ADPRHL1: variants seen among roughly 807,000 people sequenced by gnomAD.
ADPRHL1 encodes the protein inactive ADP-ribosyltransferase ARH2.
Under a neutral mutation model 44.1 loss-of-function variants are expected in ADPRHL1, and 43 were observed. That is an observed-to-expected ratio of 0.98 (90% confidence interval 0.76 to 1.26). ADPRHL1 has a LOEUF of 1.26. ADPRHL1 is among the 50% of genes most tolerant of loss of function. The pLI, the probability that ADPRHL1 is intolerant of heterozygous loss-of-function variation, is 0.00. For synonymous variants in ADPRHL1, 878 were observed against 1,017.4 expected (o/e 0.86, Z 2.61); for missense variants, 2,022 against 2,496.9 (o/e 0.81, Z 4.05).
chr13:113,425,079 GT>G lies in ADPRHL1; in HGVS notation c.746del (p.Asp249AlafsTer30). 1 of 1,613,570 alleles carries G rather than the reference GT, an allele frequency of 6.2e-7. No homozygotes were observed. The highest frequency in any genetic ancestry group is 8.5e-7 in the Non-Finnish European group (1 of 1,179,920). On this transcript the variant is annotated frameshift_variant, in exon 5 of 8. Coordinates refer to ENST00000612156, the MANE Select transcript of ADPRHL1 (RefSeq NM_001394807.1). LOFTEE classifies it high-confidence loss of function. ...TTTCCCTCTCTTCTGCATCATAATT[GT>G]CGGGGAAGATGGCTTTATTTTCTGA... ...KDSENKAIFP[D>X]NYDAEEREKT...
rs553677287 is a variant in ADPRHL1 at position 113,411,600 on chromosome 13, G to A, written c.1062-3380C>T. Reference sequence around the variant, plus strand: ...TCACAGCCGGCTTTCACCCCGCAGCGTGATCATCTGAGACACGTTTTCACT... The same window carrying A: ...TCACAGCCGGCTTTCACCCCGCAGCATGATCATCTGAGACACGTTTTCACT... On this transcript the variant is annotated intron_variant, in intron 7 of 7. Coordinates refer to ENST00000612156, the MANE Select transcript of ADPRHL1 (RefSeq NM_001394807.1). 5.3e-5 allele frequency among the ~76,000 whole-genome samples: 8 copies of A among 152,340 alleles called. No individual in the cohort carries two copies. In the East Asian group the frequency reaches 9.7e-4, roughly 18 times the overall value.
chr13:113,426,824 C>T (rs999297540), intron 4 of ADPRHL1, among the ~76,000 whole-genome samples: 1 of 152,150 alleles, frequency 6.6e-6, no homozygotes, highest in African/African-American at 2.4e-5. Context: ...CCGGGGTTGG[C>T]CAATTCGGAA....
chr13:113,425,093 CT>C lies in ADPRHL1; in HGVS notation c.732del (p.Ala245ProfsTer34), dbSNP rs530445616. The stretch of plus-strand genomic sequence containing the variant: ...GCATCATAATTGTCGGGGAAGATGG[CT>C]TTATTTTCTGAGTCTTTACTGATTT... ...ERKISKDSEN[K>X]AIFPDNYDAE... On this transcript the variant is annotated frameshift_variant, in exon 5 of 8. Transcript: ENST00000612156. LOFTEE classifies it high-confidence loss of function. 303 of 1,613,640 alleles carry C rather than the reference CT, an allele frequency of 1.9e-4. 1 individual carries two copies. The East Asian group carries it at 5.2e-3, about 28-fold the overall frequency.
At position 113,405,602 on chromosome 13, in the gene ADPRHL1, A is replaced by C; in HGVS notation, c.3680T>G (p.Leu1227Ter). The C allele has an allele frequency of 4.9e-6, 6 of 1,232,630 alleles. No individual in the cohort carries two copies. Among genetic ancestry groups the C allele is most frequent in the Non-Finnish European group, 6.1e-6 (6 of 988,676 alleles). 76.4% of individuals were successfully genotyped at this position (1,232,630 alleles called of 1,614,324 possible). ...GGCTGCTGATGTGTTTGAAATGTAT[A>C]ATCGGGCCGCCTCTGGGTGCCGGGC... ...ALARHPEAARLYISNTSAASR... is the reference protein window; with the variant it reads ...ALARHPEAAR The change falls in exon 8 of 8, where the codon TTA (leucine) becomes TGA (stop). Residue 1227 changes from leucine to a stop codon, truncating the protein, a stop_gained. Transcript: ENST00000612156. LOFTEE classifies it low-confidence loss of function (END_TRUNC).
Position 113,407,114 on chromosome 13 carries a change from G to A in ADPRHL1, c.2168C>T (p.Ala723Val), listed in dbSNP as rs1179654386. ...TGGVLPGLVP[A>V]SSPLGPASPW... is the part of the protein sequence containing the mutation. ...GCTGGCCGGTCCCAGTGGGGATGATGCAGGCACAAGGCCAGGAAGGACTCC... is the reference window on the plus strand; with the variant it reads ...GCTGGCCGGTCCCAGTGGGGATGATACAGGCACAAGGCCAGGAAGGACTCC... The change falls in exon 8 of 8, where the codon GCA (alanine) becomes GTA (valine). Residue 723 changes from alanine to valine, a missense_variant. By Grantham distance (64) the Ala-to-Val change is moderately conservative. Around this residue, in one of 8 missense-constraint regions of ADPRHL1, gnomAD observed 1,221 missense variants for 1,517.8 expected, o/e 0.80. Coordinates refer to ENST00000612156, the MANE Select transcript of ADPRHL1 (RefSeq NM_001394807.1). The A allele has an allele frequency of 4.1e-6, 5 of 1,232,190 alleles. No individual in the cohort carries two copies. Among genetic ancestry groups the A allele is most frequent in the Non-Finnish European group, 5.1e-6 (5 of 988,094 alleles). The allele number at this position is 1,232,190 out of a possible 1,614,324, so 76.3% of individuals were successfully genotyped here.
rs758465084 is a variant in ADPRHL1 at position 113,433,814 on chromosome 13, T to C, written c.433A>G (p.Lys145Glu). The part of the protein sequence containing the change: ...KAMCIGLRYW[K>E]PERLETLIEV... ...ATGAGGGTCTCCAGCCGCTCAGGCT[T>C]CCAGTACCGCAGGCCGATGCACATG... The change falls in exon 3 of 8, where the codon AAG (lysine) becomes GAG (glutamate). Residue 145 changes from lysine to glutamate, a missense_variant. Coordinates refer to ENST00000612156, the MANE Select transcript of ADPRHL1 (RefSeq NM_001394807.1). 1 of 1,583,052 alleles carries C rather than the reference T, an allele frequency of 6.3e-7. No homozygotes were observed.
rs1429163418 is a variant in ADPRHL1, at chr13:113,405,501, A to T, written c.3781T>A (p.Ser1261Thr). 18 of 1,231,642 alleles carry T rather than the reference A, an allele frequency of 1.5e-5. No homozygotes were observed. The highest frequency in any genetic ancestry group is 1.7e-5 in the Non-Finnish European group (17 of 988,104). 76.3% of individuals were successfully genotyped at this position (1,231,642 alleles called of 1,614,324 possible). The change falls in exon 8 of 8, where the codon TCT becomes ACT. Residue 1261 changes from serine to threonine, a missense_variant. Transcript: ENST00000612156. ...EGNLLGFSTE[S>T]GIPASDHPRP... is the part of the protein sequence containing the mutation. Reference sequence around the variant, plus strand: ...GGATGATCAGAAGCAGGAATTCCAGACTCTGTGCTGAAACCCAAAAGGTTT... The same window carrying T: ...GGATGATCAGAAGCAGGAATTCCAGTCTCTGTGCTGAAACCCAAAAGGTTT...
chr13:113,410,217 C>T lies in ADPRHL1; in HGVS notation c.1062-1997G>A, dbSNP rs75522613. Reference sequence around the variant, plus strand: ...CCCCACCTTCCCGAGACGCCTCCCTCGCCCGGTTCAGTGAGTTCACGTGGA... The same window carrying T: ...CCCCACCTTCCCGAGACGCCTCCCTTGCCCGGTTCAGTGAGTTCACGTGGA... On this transcript the variant is annotated intron_variant, in intron 7 of 7. Coordinates refer to ENST00000612156, the MANE Select transcript of ADPRHL1 (RefSeq NM_001394807.1). 4,546 of 796,344 alleles carry T rather than the reference C, an allele frequency of 5.7e-3. 172 individuals carry two copies. In the African/African-American group the frequency reaches 0.077, roughly 13 times the overall value. 49.3% of individuals were successfully genotyped at this position (796,344 alleles called of 1,614,324 possible). A position where few individuals can be genotyped will look rare whatever the true frequency, so the allele number is the denominator to read the frequency against.
At position 113,444,512 on chromosome 13, in the gene ADPRHL1, G is replaced by T. The variant is rs151314929; in HGVS notation, c.292C>A (p.Arg98=). ...VEIVEKLPER[R]PDPATIEGCA... Reference sequence around the variant, plus strand: ...CCTTCAATGGTAGCTGGGTCTGGCCGGCGTTCTGGAAGCTTCTCAACGATT... The same window carrying T: ...CCTTCAATGGTAGCTGGGTCTGGCCTGCGTTCTGGAAGCTTCTCAACGATT... Residue 98 remains arginine (R), a synonymous_variant, in exon 2 of 8, where the codon CGG becomes AGG. Coordinates refer to ENST00000612156, the MANE Select transcript of ADPRHL1 (RefSeq NM_001394807.1). 2 of 1,614,168 alleles carry T rather than the reference G, an allele frequency of 1.2e-6. No homozygotes were observed. Among genetic ancestry groups the T allele is most frequent in the Non-Finnish European group, 1.7e-6 (2 of 1,180,024 alleles).
chr13:113,412,655 T>C (rs1413422265), intron 7 of ADPRHL1, among the ~76,000 whole-genome samples: 7 of 152,140 alleles, frequency 4.6e-5, no homozygotes. Flanking sequence ...AGAAGACCCG[T>C]GGGTGGCGAA....
In ADPRHL1 at chr13:113,441,576, AT is replaced by A. The variant is rs2044098809; in HGVS notation, c.379+2848del. The stretch of plus-strand genomic sequence containing the variant: ...TATTGTTGTTGTACATTCTACTTAT[AT>A]TTTATAAACCATACCGTTCATTATT... On this transcript the variant is annotated intron_variant, in intron 2 of 7. Coordinates refer to ENST00000612156, the MANE Select transcript of ADPRHL1 (RefSeq NM_001394807.1). The surrounding 1 kb of genome is among the most constrained non-coding windows in gnomAD (Gnocchi z 6.0). Among the ~76,000 whole-genome samples the A allele has an allele frequency of 6.6e-6, 1 of 152,144 alleles. No homozygotes were observed. The highest frequency in any genetic ancestry group is 2.1e-4 in the South Asian group (1 of 4,826).
intron 7 of ADPRHL1, among the ~76,000 whole-genome samples, chr13:113,416,083 T>C (rs1044179804): frequency 8.6e-5 from 13 of 151,508 alleles, no homozygotes; most frequent in Non-Finnish European, 1.9e-4. Context: ...CCCCAGCAGC[T>C]TCTGAGCATC....
Position 113,402,682 on chromosome 13 carries a change from T to G in ADPRHL1, c.*696A>C, listed in dbSNP as rs76222199. 3,451 of 152,352 alleles carry G rather than the reference T, an allele frequency of 0.023. 64 individuals carry two copies. The highest frequency in any genetic ancestry group is 0.034 in the Non-Finnish European group (2,335 of 68,086). 9.4% of individuals were successfully genotyped at this position (152,352 alleles called of 1,614,324 possible). A position where few individuals can be genotyped will look rare whatever the true frequency, so the allele number is the denominator to read the frequency against. On this transcript the variant is annotated 3_prime_UTR_variant, in exon 8 of 8. Transcript: ENST00000612156. ...CTTCCCACGGCTCTGCACTGTCCCTTTCTCAGAACTTAACGTGGGCATTTC... is the reference window on the plus strand; with the variant it reads ...CTTCCCACGGCTCTGCACTGTCCCTGTCTCAGAACTTAACGTGGGCATTTC...
Position 113,409,204 on chromosome 13 carries a change from C to A in ADPRHL1, c.1062-984G>T. 1 of 732,164 alleles carries A rather than the reference C, an allele frequency of 1.4e-6. No individual in the cohort carries two copies. Among genetic ancestry groups the A allele is most frequent in the South Asian group, 6.0e-5 (1 of 16,538 alleles). 45.4% of individuals were successfully genotyped at this position (732,164 alleles called of 1,614,324 possible). Reference sequence around the variant, plus strand: ...TTGTGATTTGATGGTGTTTTCTGAGCCTGGGTCCGGGGTAAGTTCTGCTCC... The same window carrying A: ...TTGTGATTTGATGGTGTTTTCTGAGACTGGGTCCGGGGTAAGTTCTGCTCC... On this transcript the variant is annotated intron_variant, in intron 7 of 7. Coordinates refer to ENST00000612156, the MANE Select transcript of ADPRHL1 (RefSeq NM_001394807.1). This position sits in a 1 kb window ranked among gnomAD's most constrained non-coding sequence, Gnocchi z 4.2.
intron 7 of ADPRHL1, among the ~76,000 whole-genome samples, chr13:113,416,788 G>C (rs2043889166): frequency 6.6e-6 from 1 of 152,252 alleles, no homozygotes; most frequent in South Asian, 2.1e-4. Flanking sequence ...AGTGGTTACA[G>C]AAGAGCCTGT....
intron 2 of ADPRHL1, among the ~76,000 whole-genome samples, chr13:113,440,790 T>A (rs192728339): frequency 1.1e-4 from 17 of 152,310 alleles, no homozygotes; most frequent in Non-Finnish European, 2.9e-5. Flanking sequence ...TCTATTTACG[T>A]CTTTATATTT....
In ADPRHL1 at chr13:113,433,741, C is replaced by A. The variant is rs149763448; in HGVS notation, c.505+1G>T. ...CCCTCCCACCCCCCGCCCACACTTA[C>A]CTGTGGGATGGTTGTGGGTCATCCG... On this transcript the variant is annotated splice_donor_variant, in intron 3 of 7. Coordinates refer to ENST00000612156, the MANE Select transcript of ADPRHL1 (RefSeq NM_001394807.1). LOFTEE classifies it high-confidence loss of function. The A allele has an allele frequency of 1.3e-6, 2 of 1,589,766 alleles. No individual in the cohort carries two copies. The highest frequency in any genetic ancestry group is 3.4e-5 in the Admixed American group (2 of 58,254).
chr13:113,407,383 C>G lies in ADPRHL1; in HGVS notation c.1899G>C (p.Trp633Cys). The change falls in exon 8 of 8, where the codon TGG becomes TGC. Residue 633 changes from tryptophan to cysteine, a missense_variant. Physicochemically the swap from Trp to Cys is radical, Grantham distance 215. This residue lies in a region of ADPRHL1 where 1,221 missense variants were observed against 1,517.8 expected (regional missense o/e 0.80). Transcript: ENST00000612156. ...IATVVCGPRS[W>C]LSHCTKISHS... ...GGCTGATTTTGGTGCAGTGGGACAG[C>G]CAGCTCCTGGGGCCACAGACGACGG... 8.1e-7 allele frequency: 1 copy of G among 1,232,090 alleles called. No homozygotes were observed. The highest frequency in any genetic ancestry group is 1.0e-6 in the Non-Finnish European group (1 of 988,078). The allele number at this position is 1,232,090 out of a possible 1,614,324, so 76.3% of individuals were successfully genotyped here. A position where few individuals can be genotyped will look rare whatever the true frequency, so the allele number is the denominator to read the frequency against.
At chr13:113,450,151 C>T (rs562689100) in intron 1 of ADPRHL1, among the ~76,000 whole-genome samples, 3 of 152,260 alleles carry the variant, frequency 2.0e-5, no homozygotes, top group African/African-American at 7.2e-5. Flanking sequence ...CTCCTGGGCT[C>T]AGGCAATCTG....
Sources: allele counts gnomAD v4.1 joint callset (sites outside exome capture counted in the v4.1 genomes callset), GRCh38; gene constraint gnomAD v4.1.1; regional missense constraint gnomAD v4.1.1; non-coding constraint Gnocchi (gnomAD v3.1); transcripts MANE v1.5; gene names NCBI Gene and HGNC (gene_info 2026-07-23, HGNC 2026-07-21).